The following RNF150 variants were observed in gnomAD, a reference collection of about 807,000 sequenced individuals.
The protein encoded by RNF150 is ring finger protein 150.
RNF150 carries 24 observed loss-of-function variants against 39.3 expected under a neutral mutation model. The observed-to-expected ratio is 0.61, with a 90% confidence interval of 0.44 to 0.86. The LOEUF is 0.86. Among genes scored for constraint, RNF150 ranks in the 40% least tolerant of loss-of-function variants. The pLI, the probability that RNF150 is intolerant of heterozygous loss-of-function variation, is 0.00. For synonymous variants in RNF150, 255 were observed against 227.3 expected (o/e 1.12, Z -1.10); for missense variants, 502 against 587.8 (o/e 0.85, Z 1.51).
chr4:141,135,069 C>A (rs1395915959), upstream of RNF150, among the ~76,000 whole-genome samples: 3 of 152,064 alleles, frequency 2.0e-5, no homozygotes, highest in African/African-American at 4.8e-5. Context: ...ATTACAGGGC[C>A]ATTGGGCTAA....
intron 2 of RNF150, among the ~76,000 whole-genome samples, chr4:140,955,573 T>C (rs965866289): frequency 6.6e-6 from 1 of 152,150 alleles, no homozygotes; most frequent in African/African-American, 2.4e-5. Flanking sequence ...ACAATGTGCT[T>C]TGAGACCTGA....
At chr4:141,096,034 A>G (rs562177211) in intron 1 of RNF150, among the ~76,000 whole-genome samples, 2 of 152,244 alleles carry the variant, frequency 1.3e-5, no homozygotes, top group African/African-American at 4.8e-5. Flanking sequence ...ACCTACTTCT[A>G]TGATGGGAAA....
chr4:141,130,821 T>C (rs1388179271), intron 1 of RNF150, among the ~76,000 whole-genome samples: 2 of 152,242 alleles, frequency 1.3e-5, no homozygotes, highest in African/African-American at 4.8e-5. Flanking sequence ...TTAACATCCT[T>C]GAATATCAAA....
intron 1 of RNF150, among the ~76,000 whole-genome samples, chr4:141,184,508 T>C (rs1727967408): frequency 6.6e-6 from 1 of 152,230 alleles, no homozygotes; most frequent in Non-Finnish European, 1.5e-5. Context: ...TTGGTTTAAT[T>C]AGACCTCATT....
intron 1 of RNF150, among the ~76,000 whole-genome samples, chr4:141,184,117 CCCA>C (rs1727960778): frequency 6.6e-6 from 1 of 152,158 alleles, no homozygotes; most frequent in African/African-American, 2.4e-5. Context: ...AATTTACACT[CCCA>C]CCAACAGTGT....
Position 140,922,306 on chromosome 4 carries a change from G to A in RNF150, c.987+3671C>T, listed in dbSNP as rs188246830. ...TAAAATCAATGTGCAAAAATCACAA[G>A]CATTCTTATACACCAATAAGAGACA... On this transcript the variant is annotated intron_variant, in intron 5 of 6. Transcript: ENST00000515673. 2.9e-3 allele frequency among the ~76,000 whole-genome samples: 435 copies of A among 150,946 alleles called. 6 individuals are homozygous for A. The highest frequency in any genetic ancestry group is 9.5e-3 in the African/African-American group (390 of 41,150).
chr4:141,163,141 G>T (rs559230591), intron 1 of RNF150, among the ~76,000 whole-genome samples: 1 of 152,170 alleles, frequency 6.6e-6, no homozygotes, highest in Non-Finnish European at 1.5e-5. Flanking sequence ...CATTACTAAG[G>T]CTTGAGTAGG....
At chr4:141,069,593 T>G (rs1487990554) in intron 1 of RNF150, among the ~76,000 whole-genome samples, 1 of 150,582 alleles carries the variant, frequency 6.6e-6, no homozygotes, top group African/African-American at 2.5e-5. Flanking sequence ...TTAGGGAGGA[T>G]TCCCTCTTTT....
Position 140,962,497 on chromosome 4 carries a change from T to C in RNF150, c.735+5126A>G, listed in dbSNP as rs1034676786. On this transcript the variant is annotated intron_variant, in intron 2 of 6. Transcript: ENST00000515673. The stretch of plus-strand genomic sequence containing the variant: ...TGTATATCTCACACACACACACACA[T>C]ATATATATATAAAAGTTTCTCACAT... Among the ~76,000 whole-genome samples the C allele has an allele frequency of 2.5e-4, 36 of 145,074 alleles. No individual in the cohort carries two copies. In the East Asian group the frequency reaches 2.5e-3, roughly 10 times the overall value.
chr4:140,883,534 T>C (rs751887168), intron 6 of RNF150, among the ~76,000 whole-genome samples: 1 of 146,090 alleles, frequency 6.8e-6, no homozygotes, highest in African/African-American at 2.4e-5. Context: ...TTGAGGACAG[T>C]TTTTCAGTAT....
intron 1 of RNF150, among the ~76,000 whole-genome samples, chr4:141,138,856 C>G (rs747911052): frequency 6.6e-6 from 1 of 152,054 alleles, no homozygotes; most frequent in Non-Finnish European, 1.5e-5. Context: ...GGGGTCAGGA[C>G]AAGAAGAGTA....
intron 1 of RNF150, among the ~76,000 whole-genome samples, chr4:141,062,382 T>C (rs181048821): frequency 0.014 from 2,135 of 152,192 alleles, 60 homozygotes; most frequent in African/African-American, 0.049. Context: ...TATATATATG[T>C]ATGTCTACAC....
intron 1 of RNF150, among the ~76,000 whole-genome samples, chr4:141,006,262 G>GTA (rs1433540989): frequency 3.4e-5 from 5 of 147,234 alleles, no homozygotes; most frequent in East Asian, 2.0e-4. Flanking sequence ...ACATATATAC[G>GTA]TATATATATA....
chr4:140,918,374 T>C (rs1397489826), intron 5 of RNF150, among the ~76,000 whole-genome samples: 2 of 152,040 alleles, frequency 1.3e-5, no homozygotes, highest in African/African-American at 4.8e-5. Context: ...CCCACAGAAA[T>C]ACAAACTACC....
intron 6 of RNF150, among the ~76,000 whole-genome samples, chr4:140,899,966 C>CTGTGTG (rs1196123157): frequency 8.5e-6 from 1 of 117,296 alleles, no homozygotes; most frequent in African/African-American, 3.3e-5. Flanking sequence ...CTCTCTCTCT[C>CTGTGTG]TCTCTCTCTG....
intron 1 of RNF150, among the ~76,000 whole-genome samples, chr4:141,147,286 G>T (rs1007133568): frequency 2.6e-5 from 4 of 152,238 alleles, no homozygotes; most frequent in Non-Finnish European, 4.4e-5. Flanking sequence ...GGATGTTCCT[G>T]CTTGGCAGGT....
At chr4:140,923,499 A>G (rs12650923) in intron 5 of RNF150, among the ~76,000 whole-genome samples, 60,833 of 151,854 alleles carry the variant, frequency 0.4, 12,582 homozygotes, top group East Asian at 0.7. Flanking sequence ...GTGGAGAAAT[A>G]GGAACACTTT....
intron 1 of RNF150, among the ~76,000 whole-genome samples, chr4:140,985,219 G>T (rs910943905): frequency 6.6e-6 from 1 of 152,088 alleles, no homozygotes; most frequent in African/African-American, 2.4e-5. Flanking sequence ...TGAATTACAT[G>T]AATTTTGCCC....
chr4:140,903,137 A>G (rs1730247880), intron 6 of RNF150, among the ~76,000 whole-genome samples: 3 of 152,190 alleles, frequency 2.0e-5, no homozygotes, highest in Admixed American at 2.0e-4. Flanking sequence ...AAATGCAGAA[A>G]GGGTAAGTGA....
Sources: gnomAD v4.1 joint callset for allele counts (sites outside exome capture counted in the v4.1 genomes callset) on GRCh38, gnomAD v4.1.1 for gene constraint, MANE v1.5 for transcripts, NCBI Gene and HGNC (gene_info 2026-07-23, HGNC 2026-07-21) for gene names.